Variants in NRG3 observed in about 807,000 individuals in gnomAD.
NRG3 encodes neuregulin 3.
NRG3 carries 31 observed loss-of-function variants against 66.9 expected under a neutral mutation model. The observed-to-expected ratio is 0.46, with a 90% confidence interval of 0.35 to 0.63. NRG3 has a LOEUF of 0.63. NRG3 is among the 20% of genes least tolerant of loss of function. NRG3 has a pLI of 0.00. For missense variants in NRG3, 910 were observed against 878.9 expected (o/e 1.04, Z -0.45); for synonymous variants, 393 against 359.4 (o/e 1.09, Z -1.06).
intron 3 of NRG3, among the ~76,000 whole-genome samples, chr10:82,775,888 A>G (rs2059895914): frequency 6.6e-6 from 1 of 152,040 alleles, no homozygotes; most frequent in South Asian, 2.1e-4. Context: ...TTTATCATAT[A>G]TTTCTTAATA....
intron 7 of NRG3, among the ~76,000 whole-genome samples, chr10:82,976,611 C>T (rs1360719990): frequency 6.6e-6 from 1 of 152,186 alleles, no homozygotes; most frequent in Admixed American, 6.5e-5. Context: ...TCACTCCCTT[C>T]TCACTCTAGC....
intron 3 of NRG3, among the ~76,000 whole-genome samples, chr10:82,796,020 A>G (rs936130720): frequency 2.6e-5 from 4 of 151,826 alleles, no homozygotes; most frequent in Admixed American, 6.6e-5. Context: ...ATCGATTCAT[A>G]TTTACTTTTG....
At chr10:81,946,658 G>A (rs1332771817) in intron 1 of NRG3, among the ~76,000 whole-genome samples, 1 of 152,064 alleles carries the variant, frequency 6.6e-6, no homozygotes, top group Non-Finnish European at 1.5e-5. Flanking sequence ...AATAACATGT[G>A]CAGCTAAAGC....
At chr10:82,397,018 A>G (rs1418883585) in intron 2 of NRG3, among the ~76,000 whole-genome samples, 2 of 152,076 alleles carry the variant, frequency 1.3e-5, no homozygotes, top group African/African-American at 2.4e-5. Flanking sequence ...TGAGTCTCCA[A>G]TGTCAGGAGA....
chr10:82,031,860 C>G (rs2062584322), intron 1 of NRG3, among the ~76,000 whole-genome samples: 1 of 152,054 alleles, frequency 6.6e-6, no homozygotes, highest in Admixed American at 6.5e-5. Context: ...TTGGCCATTT[C>G]TATGGATGCA....
chr10:82,571,003 G>A (rs1181727386), intron 2 of NRG3, among the ~76,000 whole-genome samples: 1 of 151,344 alleles, frequency 6.6e-6, no homozygotes, highest in Non-Finnish European at 1.5e-5. Context: ...TTTATCTCTA[G>A]TTTATGTGTT....
At chr10:82,029,988 C>G (rs2062488260) in intron 1 of NRG3, among the ~76,000 whole-genome samples, 1 of 152,014 alleles carries the variant, frequency 6.6e-6, no homozygotes, top group African/African-American at 2.4e-5. Flanking sequence ...AACAAATGTC[C>G]CCTTTGACAA....
intron 3 of NRG3, among the ~76,000 whole-genome samples, chr10:82,781,477 G>T (rs1373169107): frequency 6.6e-6 from 1 of 152,048 alleles, no homozygotes; most frequent in Non-Finnish European, 1.5e-5. Context: ...TATCTGTAAA[G>T]CTCAGAGTCT....
At chr10:82,353,593 A>G (rs189524026) in intron 1 of NRG3, among the ~76,000 whole-genome samples, 4 of 151,976 alleles carry the variant, frequency 2.6e-5, no homozygotes, top group Admixed American at 2.6e-4. Flanking sequence ...CGAAACGTAT[A>G]AAAAAAATAA....
chr10:82,184,118 T>C (rs1308414174), intron 1 of NRG3, among the ~76,000 whole-genome samples: 1 of 152,120 alleles, frequency 6.6e-6, no homozygotes, highest in Non-Finnish European at 1.5e-5. Flanking sequence ...CAAGGTGTGG[T>C]CTGCAGAGAA....
At chr10:82,420,787 T>G (rs747348432) in intron 2 of NRG3, among the ~76,000 whole-genome samples, 2 of 152,114 alleles carry the variant, frequency 1.3e-5, no homozygotes, top group Non-Finnish European at 2.9e-5. Flanking sequence ...AGTGGGAGAA[T>G]GGACAAAAAC....
At chr10:82,788,500 G>C (rs1490711244) in intron 3 of NRG3, among the ~76,000 whole-genome samples, 1 of 152,156 alleles carries the variant, frequency 6.6e-6, no homozygotes, top group Non-Finnish European at 1.5e-5. Flanking sequence ...AACCCAGGAG[G>C]AGGAGGTTGC....
intron 1 of NRG3, among the ~76,000 whole-genome samples, chr10:82,271,261 G>A (rs2078579724): frequency 6.6e-6 from 1 of 152,024 alleles, no homozygotes; most frequent in South Asian, 2.1e-4. Flanking sequence ...GATTTTACAT[G>A]TGCAAGGTAG....
At chr10:82,077,047 T>G (rs999276879) in intron 1 of NRG3, among the ~76,000 whole-genome samples, 4 of 152,114 alleles carry the variant, frequency 2.6e-5, no homozygotes, top group Non-Finnish European at 5.9e-5. Context: ...AACCCTAGAA[T>G]AAAATTTTGG....
chr10:82,752,569 A>G (rs748138605), intron 3 of NRG3, among the ~76,000 whole-genome samples: 5 of 152,320 alleles, frequency 3.3e-5, no homozygotes, highest in African/African-American at 4.8e-5. Flanking sequence ...TTATAATTGT[A>G]TACAATTCCA....
At chr10:82,149,523 C>T (rs1050825848) in intron 1 of NRG3, among the ~76,000 whole-genome samples, 2 of 152,020 alleles carry the variant, frequency 1.3e-5, no homozygotes, top group South Asian at 2.1e-4. Context: ...GAGCTTTTCA[C>T]GTTTCTTGGA....
At chr10:82,386,502 A>G (rs1156981011) in intron 2 of NRG3, among the ~76,000 whole-genome samples, 19 of 152,208 alleles carry the variant, frequency 1.2e-4, no homozygotes, top group Admixed American at 1.2e-3. Context: ...AAATTAAGGT[A>G]TGGACAAGAG....
intron 4 of NRG3, among the ~76,000 whole-genome samples, chr10:82,889,332 G>C (rs532046852): frequency 6.6e-6 from 1 of 152,284 alleles, no homozygotes; most frequent in Non-Finnish European, 1.5e-5. Flanking sequence ...AATCAGAGAT[G>C]AGCCAGGATT....
chr10:82,972,741 G>A (rs1259707483), intron 6 of NRG3, among the ~76,000 whole-genome samples: 1 of 152,018 alleles, frequency 6.6e-6, no homozygotes, highest in Admixed American at 6.6e-5. Flanking sequence ...TATTGTCTGT[G>A]AATTTTTTCA....
Sources: allele counts gnomAD v4.1 joint callset (sites outside exome capture counted in the v4.1 genomes callset), GRCh38; gene constraint gnomAD v4.1.1; transcripts MANE v1.5; gene names NCBI Gene and HGNC (gene_info 2026-07-23, HGNC 2026-07-21).